NOL9: variants seen among roughly 807,000 people sequenced by gnomAD.
NOL9 encodes the protein nucleolar protein 9, also known as polynucleotide 5'-hydroxyl-kinase NOL9.
A neutral mutation model predicts 67.9 loss-of-function variants in NOL9; 28 were observed. The ratio of observed to expected loss-of-function variants is 0.41; its 90% confidence interval spans 0.31 to 0.57. NOL9 has a LOEUF of 0.57. Among genes scored for constraint, NOL9 ranks in the 20% least tolerant of loss-of-function variants. NOL9 has a pLI of 0.25. For missense variants in NOL9, 777 were observed against 897.0 expected, an observed-to-expected ratio of 0.87 and a Z score of 1.71; for synonymous variants, 356 against 352.2, an observed-to-expected ratio of 1.01 and a Z score of -0.12.
intron 11 of NOL9, 39 bp from the exon 12 acceptor site, chr1:6,526,042 G>C: frequency 6.3e-7 from 1 of 1,597,510 alleles, no homozygotes; most frequent in Non-Finnish European, 8.6e-7. Flanking sequence ...AAACACTCCA[G>C]GTCCAGCCCA....
chr1:6,532,881 G>T, intron 7 of NOL9, 121 bp from the exon 8 acceptor site: 1 of 996,440 alleles, frequency 1.0e-6, no homozygotes. Flanking sequence ...CCATCAATAC[G>T]TTGGACTTCG....
At position 6,554,285 on chromosome 1, in the gene NOL9, G is replaced by T; in HGVS notation, c.218C>A (p.Ala73Glu). ...CGCGGTGTTGGGTCTCCGGGCCGCCGCCGCGCGCGACACCTGGCGGGCTCC... is the reference window on the plus strand; with the variant it reads ...CGCGGTGTTGGGTCTCCGGGCCGCCTCCGCGCGCGACACCTGGCGGGCTCC... ...REGARQVSRA[A>E]AARRPNTATP... Residue 73 changes from alanine (A) to glutamate (E), a missense_variant, in exon 1 of 12, where the codon GCG becomes GAG. By Grantham distance (107) the Ala-to-Glu change is moderately radical. Coordinates refer to ENST00000377705, the MANE Select transcript of NOL9 (RefSeq NM_024654.5). 6.8e-7 allele frequency: 1 copy of T among 1,472,730 alleles called. No individual in the cohort carries two copies. Among genetic ancestry groups the T allele is most frequent in the Non-Finnish European group, 9.0e-7 (1 of 1,114,640 alleles). The allele number at this position is 1,472,730 out of a possible 1,614,324, so 91.2% of individuals were successfully genotyped here. A position where few individuals can be genotyped will look rare whatever the true frequency, so the allele number is the denominator to read the frequency against.
At chr1:6,531,936 TGAA>T in intron 9 of NOL9, 29 bp downstream of exon 9, 1 of 1,553,882 alleles carries the variant, frequency 6.4e-7, no homozygotes, top group Non-Finnish European at 8.9e-7. Flanking sequence ...TGTAACAAAA[TGAA>T]GACAATTTCT....
intron 2 of NOL9, 143 bp downstream of exon 2, chr1:6,550,253 G>A (rs184488240): frequency 3.2e-5 from 21 of 655,190 alleles, no homozygotes; most frequent in Non-Finnish European, 4.0e-5. Flanking sequence ...GGATGGTCTC[G>A]ATCTCCTGAC....
At chr1:6,527,910 G>GAC (rs1638927632) in intron 10 of NOL9, among the ~76,000 whole-genome samples, 1 of 152,016 alleles carries the variant, frequency 6.6e-6, no homozygotes, top group East Asian at 1.9e-4. Context: ...CAGCCTGGGC[G>GAC]ACAGAGCAAG....
intron 7 of NOL9, 41 bp downstream of exon 7, chr1:6,533,239 C>A: frequency 1.3e-6 from 2 of 1,534,406 alleles, no homozygotes; most frequent in Non-Finnish European, 1.8e-6. Context: ...AGTACTCACA[C>A]TGCCTGTCCT....
intron 2 of NOL9, 47 bp downstream of exon 2, chr1:6,550,349 C>T: frequency 1.3e-6 from 2 of 1,535,326 alleles, no homozygotes; most frequent in African/African-American, 1.4e-5. Context: ...TATGAATTAG[C>T]CTTATTACAG....
In NOL9 at chr1:6,538,296, TCTCA is replaced by T. The variant is rs556936517; in HGVS notation, c.1075+3530_1075+3533del. Reference sequence around the variant, plus strand: ...GGAGAAAACATTTGCAGATTGTACATCTCATAAAGGATTAATATAAAGAACTACT... The same window carrying T: ...GGAGAAAACATTTGCAGATTGTACATTAAAGGATTAATATAAAGAACTACT... On this transcript the variant is annotated intron_variant, in intron 6 of 11. Coordinates refer to ENST00000377705, the MANE Select transcript of NOL9 (RefSeq NM_024654.5). Among the ~76,000 whole-genome samples the T allele has an allele frequency of 7.2e-5, 11 of 152,240 alleles. No individual in the cohort carries two copies. In the East Asian group the frequency reaches 2.1e-3, roughly 29 times the overall value.
chr1:6,544,946 C>T lies in NOL9; in HGVS notation c.881-24G>A, dbSNP rs187776721. 6.3e-4 allele frequency: 1,009 copies of T among 1,614,148 alleles called. 2 individuals are homozygous for T. Among genetic ancestry groups the T allele is most frequent in the Non-Finnish European group, 5.3e-4 (631 of 1,180,026 alleles). ...TTCTGAATGGGAAACAAACATTGAT[C>T]GCTAGAATTAGCCGTCTTCCTTGGA... On this transcript the variant is annotated intron_variant, in intron 4 of 11. Transcript: ENST00000377705.
chr1:6,523,707 G>GCT lies in NOL9; in HGVS notation c.*2145_*2146dup, dbSNP rs1638818954. Reference sequence around the variant, plus strand: ...CAAGCTAGACCTGACAGAGGCCTTGGCTCCCTGTCTCCGAACCTCCTTCCC... The same window carrying GCT: ...CAAGCTAGACCTGACAGAGGCCTTGGCTCTCCCTGTCTCCGAACCTCCTTCCC... On this transcript the variant is annotated 3_prime_UTR_variant, in exon 12 of 12. Coordinates refer to ENST00000377705, the MANE Select transcript of NOL9 (RefSeq NM_024654.5). 1 of 152,050 alleles carries GCT rather than the reference G, an allele frequency of 6.6e-6. No homozygotes were observed. The highest frequency in any genetic ancestry group is 2.1e-4 in the South Asian group (1 of 4,806). 9.4% of individuals were successfully genotyped at this position (152,050 alleles called of 1,614,324 possible).
At chr1:6,535,961 C>A (rs1427397535) in intron 6 of NOL9, among the ~76,000 whole-genome samples, 2 of 149,738 alleles carry the variant, frequency 1.3e-5, no homozygotes, top group African/African-American at 2.4e-5. Context: ...GTATCACATT[C>A]TCTGACTTCA....
chr1:6,529,990 A>G (rs1002744390), intron 9 of NOL9, among the ~76,000 whole-genome samples: 9 of 152,066 alleles, frequency 5.9e-5, no homozygotes, highest in Non-Finnish European at 1.0e-4. Flanking sequence ...GTGGTGGCGC[A>G]TGCCTTTAGT....
chr1:6,532,206 A>C, intron 8 of NOL9, 127 bp from the exon 9 acceptor site: 1 of 792,342 alleles, frequency 1.3e-6, no homozygotes, highest in Non-Finnish European at 2.1e-6. Context: ...CCCTTGACGG[A>C]CCCCAACTGG....
chr1:6,545,919 CAAAAAAAAAAAAAAAA>C, intron 3 of NOL9, among the ~76,000 whole-genome samples: 1 of 59,686 alleles, frequency 1.7e-5, no homozygotes, highest in South Asian at 1.0e-3. Flanking sequence ...GTCTGTGTCT[CAAAAAAAAAAAAAAAA>C]AAAAAAAAGA....
At position 6,532,578 on chromosome 1, in the gene NOL9, A is replaced by G; in HGVS notation, c.1420T>C (p.Phe474Leu). Residue 474 changes from phenylalanine to leucine, a missense_variant, in exon 8 of 12, where the codon TTT (phenylalanine) becomes CTT (leucine). Physicochemically the swap from Phe to Leu is conservative, Grantham distance 22. Around this residue, in one of 2 missense-constraint regions of NOL9, gnomAD observed 413 missense variants for 552.6 expected, o/e 0.75. Transcript: ENST00000377705. ...MRNRRFRLAAFADALEFADEE... is the reference protein window; with the variant it reads ...MRNRRFRLAALADALEFADEE... ...TCAGCAAATTCCAAAGCATCTGCAA[A>G]TGCTGCGAGTCTGAAACGTCGATTT... 6.2e-7 allele frequency: 1 copy of G among 1,614,214 alleles called. No homozygotes were observed. Among genetic ancestry groups the G allele is most frequent in the Non-Finnish European group, 8.5e-7 (1 of 1,180,038 alleles).
chr1:6,554,300 T>G lies in NOL9; in HGVS notation c.203A>C (p.Gln68Pro). 6.8e-7 allele frequency: 1 copy of G among 1,476,422 alleles called. No individual in the cohort carries two copies. The highest frequency in any genetic ancestry group is 9.0e-7 in the Non-Finnish European group (1 of 1,116,462). 91.5% of individuals were successfully genotyped at this position (1,476,422 alleles called of 1,614,324 possible). The change falls in exon 1 of 12, where the codon CAG becomes CCG. Residue 68 changes from glutamine to proline, a missense_variant. Coordinates refer to ENST00000377705, the MANE Select transcript of NOL9 (RefSeq NM_024654.5). ...CCGGGCCGCCGCCGCGCGCGACACCTGGCGGGCTCCCTCCCTCCAGTCCAC... is the reference window on the plus strand; with the variant it reads ...CCGGGCCGCCGCCGCGCGCGACACCGGGCGGGCTCCCTCCCTCCAGTCCAC... ...SGVDWREGAR[Q>P]VSRAAAARRP...
chr1:6,547,547 G>A (rs1392374408), intron 3 of NOL9, among the ~76,000 whole-genome samples: 2 of 151,702 alleles, frequency 1.3e-5, no homozygotes, highest in Non-Finnish European at 2.9e-5. Flanking sequence ...TTAAGGAAAT[G>A]AATAATACGG....
intron 9 of NOL9, 49 bp downstream of exon 9, chr1:6,531,919 A>C (rs754901312): frequency 1.4e-6 from 2 of 1,462,880 alleles, no homozygotes; most frequent in South Asian, 1.1e-5. Flanking sequence ...AGAAAACCAC[A>C]CAAGTGTGTA....
chr1:6,524,253 A>ATC lies in NOL9; in HGVS notation c.*1600_*1601insGA, dbSNP rs762967493. ...AAAGACAATGATAACCAACAGTTGT[A>ATC]TAAGTGTATATAAGTGTTAAAACCC... On this transcript the variant is annotated 3_prime_UTR_variant, in exon 12 of 12. Transcript: ENST00000377705. 1 of 148,780 alleles carries ATC rather than the reference A, an allele frequency of 6.7e-6. No homozygotes were observed. Among genetic ancestry groups the ATC allele is most frequent in the Non-Finnish European group, 1.5e-5 (1 of 67,886 alleles). 9.2% of individuals were successfully genotyped at this position (148,780 alleles called of 1,614,324 possible).
Sources: gnomAD v4.1 joint callset for allele counts (sites outside exome capture counted in the v4.1 genomes callset) on GRCh38, gnomAD v4.1.1 for gene constraint, gnomAD v4.1.1 regional missense constraint, MANE v1.5 for transcripts, NCBI Gene and HGNC (gene_info 2026-07-23, HGNC 2026-07-21) for gene names.